FAM241A: variants seen among roughly 807,000 people sequenced by gnomAD.
FAM241A encodes uncharacterized protein FAM241A.
FAM241A carries 7 observed loss-of-function variants against 12.2 expected under a neutral mutation model. The ratio of observed to expected loss-of-function variants is 0.58; its 90% CI spans 0.33 to 1.08. The LOEUF (loss-of-function observed/expected upper bound fraction) is 1.08. FAM241A is among the 50% of genes least tolerant of loss of function. FAM241A has a pLI of 0.04. For synonymous variants in FAM241A, 74 were observed against 68.2 expected (o/e 1.08, Z -0.42); for missense variants, 161 against 169.7 (o/e 0.95, Z 0.29).
chr4:112,168,300 GAAA>G (rs903581564), intron 1 of FAM241A, among the ~76,000 whole-genome samples: 1 of 152,076 alleles, frequency 6.6e-6, no homozygotes, highest in African/African-American at 2.4e-5. Context: ...TATAAATAAT[GAAA>G]AGCAATTAAA....
chr4:112,170,585 G>T (rs191869215), intron 1 of FAM241A, among the ~76,000 whole-genome samples: 1 of 152,300 alleles, frequency 6.6e-6, no homozygotes, highest in East Asian at 1.9e-4. Flanking sequence ...CAACAGCATG[G>T]ATACACTGGA....
intron 1 of FAM241A, among the ~76,000 whole-genome samples, chr4:112,166,523 T>C (rs910952037): frequency 6.6e-6 from 1 of 152,166 alleles, no homozygotes; most frequent in Non-Finnish European, 1.5e-5. Context: ...AATGTAGTTA[T>C]TTACAGCAAA....
chr4:112,190,216 T>C lies in FAM241A; in HGVS notation c.*3278T>C, dbSNP rs957155584. The C allele has an allele frequency of 3.4e-5, 5 of 148,078 alleles. No individual in the cohort carries two copies. The highest frequency in any genetic ancestry group is 1.0e-4 in the African/African-American group (4 of 39,536). 9.2% of individuals were successfully genotyped at this position (148,078 alleles called of 1,614,324 possible). A position where few individuals can be genotyped will look rare whatever the true frequency, so the allele number is the denominator to read the frequency against. ...AAATTACAGTATAAGTAAAGGTCTG[T>C]TGTAATATAGAAAGCTCAAAATAGT... is the stretch of plus-strand genomic sequence containing the variant. On this transcript the variant is annotated 3_prime_UTR_variant, in exon 2 of 2. Transcript: ENST00000309733.
At chr4:112,168,981 G>C (rs535427656) in intron 1 of FAM241A, among the ~76,000 whole-genome samples, 1 of 152,086 alleles carries the variant, frequency 6.6e-6, no homozygotes, top group Non-Finnish European at 1.5e-5. Context: ...ACTTCTATTA[G>C]TCATGCCTAC....
In FAM241A at chr4:112,191,330, G is replaced by A. The variant is rs1041261642; in HGVS notation, c.*4392G>A. ...CCTGGCATGCTGAGAATCCTGATTA[G>A]CCTCCCTACCTTCATTTTCCACTTT... On this transcript the variant is annotated 3_prime_UTR_variant, in exon 2 of 2. Transcript: ENST00000309733. The A allele has an allele frequency of 1.3e-5, 2 of 152,128 alleles. No individual in the cohort carries two copies. Among genetic ancestry groups the A allele is most frequent in the Admixed American group, 6.5e-5 (1 of 15,276 alleles). The allele number at this position is 152,128 out of a possible 1,614,324, so 9.4% of individuals were successfully genotyped here.
Position 112,148,364 on chromosome 4 carries a change from A to G in FAM241A, c.153+2631A>G, listed in dbSNP as rs181796728. 1.9e-3 allele frequency among the ~76,000 whole-genome samples: 285 copies of G among 152,232 alleles called. 1 individual carries two copies. The highest frequency in any genetic ancestry group is 6.7e-3 in the African/African-American group (278 of 41,544). On this transcript the variant is annotated intron_variant, in intron 1 of 1. Coordinates refer to ENST00000309733, the MANE Select transcript of FAM241A (RefSeq NM_152400.3). Reference sequence around the variant, plus strand: ...TATTTCATATATATATGAAATATATAAAACACCTAGTATTAACATAGGTGT... The same window carrying G: ...TATTTCATATATATATGAAATATATGAAACACCTAGTATTAACATAGGTGT...
chr4:112,174,534 G>C (rs1254000538), intron 1 of FAM241A, among the ~76,000 whole-genome samples: 1 of 152,198 alleles, frequency 6.6e-6, no homozygotes, highest in Non-Finnish European at 1.5e-5. Context: ...ACAGATCTTG[G>C]TGAAGAGCAA....
intron 1 of FAM241A, among the ~76,000 whole-genome samples, chr4:112,171,790 C>T (rs538077046): frequency 6.6e-6 from 1 of 151,796 alleles, no homozygotes; most frequent in Non-Finnish European, 1.5e-5. Context: ...ACCTGGGAGG[C>T]GGAGGTTGCA....
At chr4:112,182,142 G>T (rs1374475907) in intron 1 of FAM241A, among the ~76,000 whole-genome samples, 2 of 151,984 alleles carry the variant, frequency 1.3e-5, no homozygotes, top group African/African-American at 2.4e-5. Context: ...GAGGGAGGGG[G>T]TCAAGAATGC....
intron 1 of FAM241A, among the ~76,000 whole-genome samples, chr4:112,149,591 A>C (rs1460216887): frequency 6.6e-6 from 1 of 152,220 alleles, no homozygotes; most frequent in East Asian, 1.9e-4. Flanking sequence ...AAGCCTCTTG[A>C]AACATCCTAA....
intron 1 of FAM241A, among the ~76,000 whole-genome samples, chr4:112,166,328 C>T (rs1481814810): frequency 6.6e-6 from 1 of 151,864 alleles, no homozygotes; most frequent in African/African-American, 2.4e-5. Flanking sequence ...CCTTGGCCTC[C>T]CAAAGTGCTG....
At chr4:112,159,919 C>T (rs1723428050) in intron 1 of FAM241A, among the ~76,000 whole-genome samples, 1 of 152,050 alleles carries the variant, frequency 6.6e-6, no homozygotes, top group Admixed American at 6.6e-5. Context: ...TAATGGAAGT[C>T]CTAGCTAGAG....
At chr4:112,162,125 A>C (rs1723484887) in intron 1 of FAM241A, among the ~76,000 whole-genome samples, 1 of 152,034 alleles carries the variant, frequency 6.6e-6, no homozygotes, top group Non-Finnish European at 1.5e-5. Flanking sequence ...CATGCTAAAA[A>C]CTCTTAATAA....
At chr4:112,162,015 C>T (rs1003823186) in intron 1 of FAM241A, among the ~76,000 whole-genome samples, 4 of 152,130 alleles carry the variant, frequency 2.6e-5, no homozygotes, top group Non-Finnish European at 4.4e-5. Context: ...ATACGCAAAT[C>T]GATAAACCTA....
intron 1 of FAM241A, among the ~76,000 whole-genome samples, chr4:112,180,928 A>G (rs1374541135): frequency 6.6e-6 from 1 of 152,238 alleles, no homozygotes; most frequent in Admixed American, 6.5e-5. Flanking sequence ...TAGAAAACTA[A>G]TATTAAGTAC....
Position 112,145,727 on chromosome 4 carries a change from C to A in FAM241A, c.147C>A (p.Ser49Arg). Reference protein sequence around the residue: ...PRRRGQRPKESEQDVEDSQNH... With the variant: ...PRRRGQRPKEREQDVEDSQNH... ...GGCGCGGACAGCGGCCGAAGGAGAG[C>A]GAGCAGGTGAGCGCGGGGAGGGGCG... is the stretch of plus-strand genomic sequence containing the variant. Residue 49 changes from serine (S) to arginine (R), a missense_variant, in exon 1 of 2, where the codon AGC becomes AGA. Physicochemically the swap from Ser to Arg is moderately radical, Grantham distance 110. Transcript: ENST00000309733. 8.4e-7 allele frequency: 1 copy of A among 1,185,276 alleles called. No individual in the cohort carries two copies. The highest frequency in any genetic ancestry group is 1.0e-6 in the Non-Finnish European group (1 of 958,224). The allele number at this position is 1,185,276 out of a possible 1,614,324, so 73.4% of individuals were successfully genotyped here.
chr4:112,176,111 A>G (rs1395785837), intron 1 of FAM241A, among the ~76,000 whole-genome samples: 1 of 152,326 alleles, frequency 6.6e-6, no homozygotes, highest in Non-Finnish European at 1.5e-5. Context: ...ATTAACGTGC[A>G]CAAATTGTTC....
chr4:112,183,599 A>G (rs1456776990), intron 1 of FAM241A, among the ~76,000 whole-genome samples: 6 of 109,166 alleles, frequency 5.5e-5, no homozygotes, highest in African/African-American at 2.3e-4. Flanking sequence ...AACCACAAAA[A>G]TACTGAAAAA....
chr4:112,190,790 G>C lies in FAM241A; in HGVS notation c.*3852G>C, dbSNP rs1724152493. The C allele has an allele frequency of 6.6e-6, 1 of 151,938 alleles. No individual in the cohort carries two copies. The highest frequency in any genetic ancestry group is 2.4e-5 in the African/African-American group (1 of 41,372). 9.4% of individuals were successfully genotyped at this position (151,938 alleles called of 1,614,324 possible). On this transcript the variant is annotated 3_prime_UTR_variant, in exon 2 of 2. Transcript: ENST00000309733. ...ACAAACTATGACTTCAGGAGTATTGGTGGATTAGAGGTCATTTGCAACTCT... is the reference window on the plus strand; with the variant it reads ...ACAAACTATGACTTCAGGAGTATTGCTGGATTAGAGGTCATTTGCAACTCT...
Sources: gnomAD v4.1 joint callset for allele counts (sites outside exome capture counted in the v4.1 genomes callset) on GRCh38, gnomAD v4.1.1 for gene constraint, MANE v1.5 for transcripts, NCBI Gene and HGNC (gene_info 2026-07-23, HGNC 2026-07-21) for gene names.